Variants in CTTNBP2NL observed in about 807,000 individuals in gnomAD.
CTTNBP2NL encodes CTTNBP2 N-terminal-like protein.
Under a neutral mutation model 32.5 loss-of-function variants are expected in CTTNBP2NL, and 16 were observed. The ratio of observed to expected loss-of-function variants is 0.49; its 90% CI spans 0.33 to 0.75. CTTNBP2NL has a LOEUF of 0.75. CTTNBP2NL is among the 30% of genes least tolerant of loss of function. The pLI, the probability that CTTNBP2NL is intolerant of heterozygous loss-of-function variation, is 0.02. For synonymous variants in CTTNBP2NL, 298 were observed against 289.4 expected, an observed-to-expected ratio of 1.03 and a Z score of -0.30; for missense variants, 645 against 756.0, an observed-to-expected ratio of 0.85 and a Z score of 1.72.
intron 1 of CTTNBP2NL, among the ~76,000 whole-genome samples, chr1:112,398,211 G>T (rs1020409866): frequency 1.3e-5 from 2 of 152,144 alleles, no homozygotes; most frequent in East Asian, 3.8e-4. Flanking sequence ...ATAGGAAAAA[G>T]CAAATAATAT....
chr1:112,392,482 G>A (rs970101413), upstream of CTTNBP2NL, among the ~76,000 whole-genome samples: 1 of 152,188 alleles, frequency 6.6e-6, no homozygotes, highest in African/African-American at 2.4e-5. Flanking sequence ...TAAGTGAGAA[G>A]GTTACTTTGC....
intron 1 of CTTNBP2NL, among the ~76,000 whole-genome samples, chr1:112,405,968 G>A (rs1176064636): frequency 2.0e-5 from 3 of 149,972 alleles, no homozygotes; most frequent in Non-Finnish European, 4.4e-5. Flanking sequence ...GGTGGATCAC[G>A]AGGTCAGGGG....
At chr1:112,442,810 C>T (rs1041842304) in intron 3 of CTTNBP2NL, among the ~76,000 whole-genome samples, 1 of 152,140 alleles carries the variant, frequency 6.6e-6, no homozygotes, top group African/African-American at 2.4e-5. Flanking sequence ...CCTGCCTCAG[C>T]CTCCCAAGTA....
chr1:112,393,902 A>T (rs1648243406), upstream of CTTNBP2NL, among the ~76,000 whole-genome samples: 1 of 151,964 alleles, frequency 6.6e-6, no homozygotes, highest in Non-Finnish European at 1.5e-5. Context: ...CTACAAAGGG[A>T]ATGAGGGAAA....
At chr1:112,395,225 GTATTT>G (rs1648285496), upstream of CTTNBP2NL, among the ~76,000 whole-genome samples, 2 of 152,138 alleles carry the variant, frequency 1.3e-5, no homozygotes, top group Non-Finnish European at 2.9e-5. Context: ...TTATTATATT[GTATTT>G]TAAATAATGT....
At chr1:112,451,297 A>C (rs1227950769) in intron 4 of CTTNBP2NL, among the ~76,000 whole-genome samples, 2 of 150,152 alleles carry the variant, frequency 1.3e-5, no homozygotes, top group African/African-American at 4.9e-5. Context: ...CCCAGAACAA[A>C]TTTAATCCTC....
At chr1:112,391,257 C>T (rs955896223), upstream of CTTNBP2NL, among the ~76,000 whole-genome samples, 1 of 152,222 alleles carries the variant, frequency 6.6e-6, no homozygotes, top group East Asian at 1.9e-4. Context: ...CTTTGACCTC[C>T]TCATCAACCC....
At chr1:112,440,409 C>T (rs12092742) in intron 3 of CTTNBP2NL, among the ~76,000 whole-genome samples, 2,935 of 152,222 alleles carry the variant, frequency 0.019, 110 homozygotes, top group African/African-American at 0.068. Context: ...ATGATAGATT[C>T]AGGATTCAGA....
upstream of CTTNBP2NL, among the ~76,000 whole-genome samples, chr1:112,394,219 AAAAAG>A (rs1648255242): frequency 6.6e-6 from 1 of 151,890 alleles, no homozygotes; most frequent in South Asian, 2.1e-4. Context: ...AAAAAAAAAA[AAAAAG>A]AAAAGAAAAA....
upstream of CTTNBP2NL, among the ~76,000 whole-genome samples, chr1:112,395,716 G>T (rs1648297470): frequency 7.1e-6 from 1 of 141,316 alleles, no homozygotes; most frequent in Non-Finnish European, 1.5e-5. Flanking sequence ...ACGCCCACAG[G>T]CGCTTCCAGA....
chr1:112,419,279 A>G (rs1407964655), intron 3 of CTTNBP2NL, among the ~76,000 whole-genome samples: 1 of 152,232 alleles, frequency 6.6e-6, no homozygotes, highest in Non-Finnish European at 1.5e-5. Flanking sequence ...ACATCATTCT[A>G]TAGGTTTAAC....
Position 112,456,858 on chromosome 1 carries a change from A to C in CTTNBP2NL, c.1366A>C (p.Asn456His). Residue 456 changes from asparagine (N) to histidine (H), a missense_variant, in exon 6 of 6, where the codon AAC becomes CAC. Transcript: ENST00000271277. Reference sequence around the variant, plus strand: ...CCAGTCATCGTACCAAGTAGGGATCAACCAACGGTTCCATGCAGCTCGCCA... The same window carrying C: ...CCAGTCATCGTACCAAGTAGGGATCCACCAACGGTTCCATGCAGCTCGCCA... ...GYQSSYQVGI[N>H]QRFHAARHKF... 6.2e-7 allele frequency: 1 copy of C among 1,614,134 alleles called. No individual in the cohort carries two copies. The highest frequency in any genetic ancestry group is 1.1e-5 in the South Asian group (1 of 91,072).
At chr1:112,391,157 A>G in the CTTNBP2NL span, among the ~76,000 whole-genome samples, 1 of 152,326 alleles carries the variant, frequency 6.6e-6, no homozygotes, top group South Asian at 2.1e-4. Context: ...GATGGGAGAA[A>G]ATGCAGAAAT....
At chr1:112,446,169 A>G (rs1022738342) in intron 3 of CTTNBP2NL, among the ~76,000 whole-genome samples, 4 of 144,982 alleles carry the variant, frequency 2.8e-5, no homozygotes, top group Non-Finnish European at 3.0e-5. Context: ...AAACTTTTCT[A>G]TTTTTCTAAA....
intron 3 of CTTNBP2NL, among the ~76,000 whole-genome samples, chr1:112,433,286 G>A (rs941141305): frequency 3.3e-5 from 5 of 152,072 alleles, no homozygotes; most frequent in South Asian, 4.1e-4. Context: ...GCGTGCATGC[G>A]TGCGTTTTGT....
rs1311581775 is a variant in CTTNBP2NL, at chr1:112,449,188, T to C, written c.330+16T>C. The stretch of plus-strand genomic sequence containing the variant: ...GCACCGAAAGGTAGGTTCACCTCAG[T>C]TGATGTGTAAATCTTTGTGAAGTCT... On this transcript the variant is annotated intron_variant, in intron 4 of 5. Coordinates refer to ENST00000271277, the MANE Select transcript of CTTNBP2NL (RefSeq NM_018704.3). 6.9e-7 allele frequency: 1 copy of C among 1,443,704 alleles called. No homozygotes were observed. Among genetic ancestry groups the C allele is most frequent in the East Asian group, 2.3e-5 (1 of 43,916 alleles). The allele number at this position is 1,443,704 out of a possible 1,614,324, so 89.4% of individuals were successfully genotyped here. A position where few individuals can be genotyped will look rare whatever the true frequency, so the allele number is the denominator to read the frequency against.
Position 112,421,904 on chromosome 1 carries a change from A to AT in CTTNBP2NL, c.99+5648dup, listed in dbSNP as rs765272631. ...GATAATGCAGAAGCCTTCGTAGCAG[A>AT]TTTTTTTTCATTGATTTGTTTATTA... On this transcript the variant is annotated intron_variant, in intron 3 of 5. Coordinates refer to ENST00000271277, the MANE Select transcript of CTTNBP2NL (RefSeq NM_018704.3). Among the ~76,000 whole-genome samples the AT allele has an allele frequency of 9.9e-4, 150 of 152,034 alleles. 1 individual carries two copies. Among genetic ancestry groups the AT allele is most frequent in the Non-Finnish European group, 2.0e-3 (139 of 67,954 alleles).
chr1:112,403,530 T>A (rs1648567400), intron 1 of CTTNBP2NL, among the ~76,000 whole-genome samples: 1 of 152,244 alleles, frequency 6.6e-6, no homozygotes, highest in African/African-American at 2.4e-5. Context: ...TGTAATAGAA[T>A]GTGATAACTG....
chr1:112,411,345 C>A (rs1431265874), intron 1 of CTTNBP2NL, among the ~76,000 whole-genome samples: 3 of 151,990 alleles, frequency 2.0e-5, no homozygotes, highest in Non-Finnish European at 4.4e-5. Context: ...AAATTTAAAG[C>A]CTATCATTTT....
Sources: allele counts gnomAD v4.1 joint callset (sites outside exome capture counted in the v4.1 genomes callset), GRCh38; gene constraint gnomAD v4.1.1; transcripts MANE v1.5; gene names NCBI Gene and HGNC (gene_info 2026-07-23, HGNC 2026-07-21).